UBE2F: variants seen among roughly 807,000 people sequenced by gnomAD.
UBE2F encodes ubiquitin conjugating enzyme E2 F (putative).
UBE2F carries 5 observed loss-of-function variants against 29.6 expected under a neutral mutation model. The observed-to-expected ratio is 0.17, with a 90% CI of 0.09 to 0.36. UBE2F has a LOEUF of 0.36. UBE2F is among the 10% of genes least tolerant of loss of function. UBE2F has a pLI of 1.00. For synonymous variants in UBE2F, 66 were observed against 81.8 expected (o/e 0.81, Z 1.04); for missense variants, 141 against 228.5 (o/e 0.62, Z 2.47).
intron 7 of UBE2F, among the ~76,000 whole-genome samples, 170 bp from the exon 8 acceptor site, chr2:238,032,052 G>A (rs1208681689): frequency 6.6e-6 from 1 of 152,230 alleles, no homozygotes; most frequent in Non-Finnish European, 1.5e-5. Flanking sequence ...ATTTTCCAGA[G>A]TTTGTTGTTA....
chr2:238,013,692 G>T (rs949866836), intron 4 of UBE2F, among the ~76,000 whole-genome samples: 39 of 152,150 alleles, frequency 2.6e-4, no homozygotes, highest in Admixed American at 2.0e-3. Flanking sequence ...TGTTTTCCCA[G>T]GGCTCTCGGT....
intron 4 of UBE2F, among the ~76,000 whole-genome samples, chr2:238,014,423 G>A (rs1198626381): frequency 6.6e-6 from 1 of 152,170 alleles, no homozygotes; most frequent in African/African-American, 2.4e-5. Flanking sequence ...TAATTATTAA[G>A]GAAGAACTTG....
chr2:237,985,863 C>T (rs867900465), intron 2 of UBE2F, among the ~76,000 whole-genome samples: 3 of 152,250 alleles, frequency 2.0e-5, no homozygotes, highest in African/African-American at 7.2e-5. Flanking sequence ...CAACATTTAT[C>T]TCTCTTTGAT....
intron 5 of UBE2F, among the ~76,000 whole-genome samples, chr2:238,017,646 G>A (rs896490482): frequency 6.6e-6 from 1 of 152,200 alleles, no homozygotes; most frequent in Non-Finnish European, 1.5e-5. Context: ...CAAATTGCCA[G>A]GGGTTGACGT....
Position 238,038,466 on chromosome 2 carries a change from C to G in UBE2F, c.507+2526C>G, listed in dbSNP as rs546160647. Among the ~76,000 whole-genome samples, 668 of 152,312 alleles carry G rather than the reference C, an allele frequency of 4.4e-3. 1 individual carries two copies. Among genetic ancestry groups the G allele is most frequent in the Admixed American group, 7.6e-3 (116 of 15,308 alleles). ...TGGGCAAATGTGCCCCTTGGCCCAC[C>G]CCTTGCAGGCATTCATGGCGGCACT... On this transcript the variant is annotated intron_variant, in intron 9 of 9. Coordinates refer to ENST00000272930, the MANE Select transcript of UBE2F (RefSeq NM_080678.3).
intron 7 of UBE2F, among the ~76,000 whole-genome samples, chr2:238,031,755 T>C (rs1559228193): frequency 6.6e-6 from 1 of 152,204 alleles, no homozygotes; most frequent in Non-Finnish European, 1.5e-5. Context: ...AAATAACTAA[T>C]GCAAAATCAT....
intron 4 of UBE2F, among the ~76,000 whole-genome samples, chr2:237,995,010 ACT>A (rs995207954): frequency 2.0e-5 from 3 of 152,342 alleles, no homozygotes; most frequent in Admixed American, 1.3e-4. Context: ...TTCAGTGTAC[ACT>A]CTCAATAATG....
chr2:238,011,685 G>C (rs1249295938), intron 4 of UBE2F, among the ~76,000 whole-genome samples: 1 of 152,198 alleles, frequency 6.6e-6, no homozygotes, highest in African/African-American at 2.4e-5. Context: ...TGATGCATTT[G>C]TGAATGAATA....
At chr2:237,986,515 A>G (rs983219454) in intron 2 of UBE2F, among the ~76,000 whole-genome samples, 3 of 151,790 alleles carry the variant, frequency 2.0e-5, no homozygotes, top group Non-Finnish European at 4.4e-5. Flanking sequence ...TTTTAGTTTG[A>G]TGTAATCCCA....
chr2:237,973,801 C>A, intron 2 of UBE2F: 1 of 758,624 alleles, frequency 1.3e-6, no homozygotes, highest in Non-Finnish European at 1.8e-6. Context: ...TGAGAGTATG[C>A]GTGCATGCAG....
intron 1 of UBE2F, chr2:237,968,784 A>C: frequency 2.1e-6 from 2 of 937,810 alleles, no homozygotes; most frequent in Non-Finnish European, 2.5e-6. Context: ...TGTTCAGAAC[A>C]GCTGATCTGT....
chr2:238,029,580 A>T (rs1424341911), intron 6 of UBE2F, among the ~76,000 whole-genome samples: 1 of 135,100 alleles, frequency 7.4e-6, no homozygotes, highest in Non-Finnish European at 1.6e-5. Context: ...TGGGAGACAG[A>T]GAGAGACTCC....
At position 238,026,146 on chromosome 2, in the gene UBE2F, G is replaced by GCCGCCC. The variant is rs1443517694; in HGVS notation, c.353+743_353+748dup. ...GACCACCTGGACCTGAGTCCAGCTC[G>GCCGCCC]CCGCCCCCGCCCCCACCCCTGCCCG... On this transcript the variant is annotated intron_variant, in intron 6 of 9. Coordinates refer to ENST00000272930, the MANE Select transcript of UBE2F (RefSeq NM_080678.3). Among the ~76,000 whole-genome samples the GCCGCCC allele has an allele frequency of 3.9e-5, 6 of 152,194 alleles. No individual in the cohort carries two copies. In the East Asian group the frequency reaches 1.2e-3, roughly 29 times the overall value.
At chr2:237,972,737 G>C (rs1419654894) in intron 1 of UBE2F, among the ~76,000 whole-genome samples, 1 of 151,674 alleles carries the variant, frequency 6.6e-6, no homozygotes, top group Admixed American at 6.6e-5. Context: ...ATTTTTTGTA[G>C]AGACAGGGTT....
rs2063471546 is a variant in UBE2F, at chr2:237,985,860, T to C, written c.119-2103T>C. Among the ~76,000 whole-genome samples, 2 of 152,226 alleles carry C rather than the reference T, an allele frequency of 1.3e-5. 1 individual carries two copies. Among genetic ancestry groups the C allele is most frequent in the South Asian group, 4.1e-4 (2 of 4,834 alleles). On this transcript the variant is annotated intron_variant, in intron 2 of 9. Coordinates refer to ENST00000272930, the MANE Select transcript of UBE2F (RefSeq NM_080678.3). ...TTTTTTCCACCTTCTTGCCAACATT[T>C]ATCTCTCTTTGATAGCAGCCATTCT...
intron 1 of UBE2F, among the ~76,000 whole-genome samples, chr2:237,971,014 G>A (rs1424926759): frequency 6.6e-6 from 1 of 152,232 alleles, no homozygotes. Context: ...TGCCTGGCCT[G>A]TACTGTTTTC....
At chr2:238,026,990 C>T (rs1453821227) in intron 6 of UBE2F, among the ~76,000 whole-genome samples, 1 of 152,206 alleles carries the variant, frequency 6.6e-6, no homozygotes, top group African/African-American at 2.4e-5. Flanking sequence ...TCCTCCTGTG[C>T]TTGTGAGGAC....
chr2:237,978,444 A>G (rs1464395480), intron 2 of UBE2F, among the ~76,000 whole-genome samples: 1 of 152,192 alleles, frequency 6.6e-6, no homozygotes, highest in Non-Finnish European at 1.5e-5. Flanking sequence ...TTTTCTTGGA[A>G]GAGTGAGCCC....
chr2:238,030,480 C>G lies in UBE2F; in HGVS notation c.354-76C>G, dbSNP rs911169655. ...AAGTAGAGCTCCTGCATGGCACACA[C>G]CGAGAGGACTAGTTGGCAGCGTGCA... On this transcript the variant is annotated intron_variant, in intron 6 of 9. Transcript: ENST00000272930. 6 of 1,007,164 alleles carry G rather than the reference C, an allele frequency of 6.0e-6. No individual in the cohort carries two copies. The African/African-American group carries it at 8.0e-5, about 13-fold the overall frequency. 62.4% of individuals were successfully genotyped at this position (1,007,164 alleles called of 1,614,324 possible). A position where few individuals can be genotyped will look rare whatever the true frequency, so the allele number is the denominator to read the frequency against.
Sources: allele counts gnomAD v4.1 joint callset (sites outside exome capture counted in the v4.1 genomes callset), GRCh38; gene constraint gnomAD v4.1.1; transcripts MANE v1.5; gene names NCBI Gene and HGNC (gene_info 2026-07-23, HGNC 2026-07-21).